The following SPOCK3 variants were observed in gnomAD, a reference collection of about 807,000 sequenced individuals.
SPOCK3 encodes the protein testican-3.
Under a neutral mutation model 56.6 loss-of-function variants are expected in SPOCK3, and 30 were observed. The ratio of observed to expected loss-of-function variants is 0.53; its 90% CI spans 0.40 to 0.72. SPOCK3 has a LOEUF of 0.72. SPOCK3 is among the 30% of genes least tolerant of loss of function. The pLI is 0.00. For missense variants in SPOCK3, 527 were observed against 530.0 expected (o/e 0.99, Z 0.06); for synonymous variants, 196 against 183.3 (o/e 1.07, Z -0.56).
At chr4:166,894,409 G>GA (rs1735133227) in intron 5 of SPOCK3, among the ~76,000 whole-genome samples, 1 of 152,048 alleles carries the variant, frequency 6.6e-6, no homozygotes, top group Non-Finnish European at 1.5e-5. Flanking sequence ...TAGGCAAACT[G>GA]AAAATGAGAA....
At chr4:166,786,458 G>T (rs1290194087) in intron 7 of SPOCK3, among the ~76,000 whole-genome samples, 1 of 151,938 alleles carries the variant, frequency 6.6e-6, no homozygotes, top group Non-Finnish European at 1.5e-5. Context: ...ATGCAGTTAG[G>T]ATATAAATAC....
At chr4:167,048,307 T>C (rs1753900176) in intron 3 of SPOCK3, among the ~76,000 whole-genome samples, 1 of 151,756 alleles carries the variant, frequency 6.6e-6, no homozygotes, top group African/African-American at 2.4e-5. Context: ...ACTAGATTGT[T>C]AGGTAATTTA....
At chr4:166,969,813 CT>C (rs1214464582) in intron 4 of SPOCK3, among the ~76,000 whole-genome samples, 2 of 151,878 alleles carry the variant, frequency 1.3e-5, no homozygotes, top group African/African-American at 2.4e-5. Context: ...TCAAAGCCTC[CT>C]TTTTTTTAGG....
At chr4:166,982,708 C>G (rs1011286703) in intron 4 of SPOCK3, among the ~76,000 whole-genome samples, 4 of 151,894 alleles carry the variant, frequency 2.6e-5, no homozygotes, top group South Asian at 4.2e-4. Context: ...TGTTTCTATA[C>G]ACATTGAAAA....
intron 5 of SPOCK3, among the ~76,000 whole-genome samples, chr4:166,904,445 T>G (rs190024340): frequency 6.6e-6 from 1 of 152,210 alleles, no homozygotes; most frequent in Admixed American, 6.6e-5. Flanking sequence ...ACAAAAAGAT[T>G]ACAGAACTCT....
chr4:167,110,463 T>C (rs953420379), intron 2 of SPOCK3, among the ~76,000 whole-genome samples: 2 of 152,088 alleles, frequency 1.3e-5, no homozygotes, highest in Admixed American at 1.3e-4. Context: ...ACCTCTTATC[T>C]ATATGATTCC....
intron 2 of SPOCK3, among the ~76,000 whole-genome samples, chr4:167,107,236 T>A (rs1760244307): frequency 6.6e-6 from 1 of 151,846 alleles, no homozygotes; most frequent in African/African-American, 2.4e-5. Context: ...TGATGAATAT[T>A]AACACAGAAA....
chr4:166,858,389 C>T (rs1051939960), intron 6 of SPOCK3, among the ~76,000 whole-genome samples: 3 of 152,158 alleles, frequency 2.0e-5, no homozygotes, highest in African/African-American at 7.2e-5. Context: ...TTCTATTAAG[C>T]CCATTCTGAT....
chr4:166,879,496 C>T (rs981104665), intron 6 of SPOCK3, among the ~76,000 whole-genome samples: 5 of 152,092 alleles, frequency 3.3e-5, no homozygotes, highest in Admixed American at 2.6e-4. Context: ...CATAGCAAGA[C>T]TTTGTCTCTA....
At chr4:166,771,737 T>G (rs1579182010) in intron 7 of SPOCK3, among the ~76,000 whole-genome samples, 1 of 151,996 alleles carries the variant, frequency 6.6e-6, no homozygotes, top group South Asian at 2.1e-4. Context: ...TCAAATAGAG[T>G]GAGAAAAATT....
At chr4:166,901,893 A>C (rs60379108) in intron 5 of SPOCK3, among the ~76,000 whole-genome samples, 3,627 of 152,132 alleles carry the variant, frequency 0.024, 163 homozygotes, top group African/African-American at 0.082. Flanking sequence ...AAGCTACATG[A>C]GATAAATTGA....
chr4:167,164,669 C>G (rs1384086864), intron 2 of SPOCK3, among the ~76,000 whole-genome samples: 2 of 151,912 alleles, frequency 1.3e-5, no homozygotes, highest in East Asian at 1.9e-4. Flanking sequence ...TAAACTCCCA[C>G]TTATGAGTGA....
chr4:167,156,416 C>T (rs1458110261), intron 2 of SPOCK3, among the ~76,000 whole-genome samples: 3 of 152,122 alleles, frequency 2.0e-5, no homozygotes, highest in African/African-American at 7.2e-5. Flanking sequence ...TGTCTGCACA[C>T]ATATGTACAC....
chr4:166,795,770 CT>C (rs1279385793), intron 6 of SPOCK3, among the ~76,000 whole-genome samples: 3 of 152,002 alleles, frequency 2.0e-5, no homozygotes, highest in Non-Finnish European at 4.4e-5. Flanking sequence ...AGGTGTCAAA[CT>C]TTTACATAAT....
At chr4:166,802,796 CACACAT>C (rs1742753957) in intron 6 of SPOCK3, among the ~76,000 whole-genome samples, 2 of 152,106 alleles carry the variant, frequency 1.3e-5, no homozygotes, top group Non-Finnish European at 2.9e-5. Context: ...CACATATACA[CACACAT>C]ACATATGTGT....
intron 7 of SPOCK3, among the ~76,000 whole-genome samples, chr4:166,764,878 C>T (rs1326499705): frequency 1.3e-5 from 2 of 151,326 alleles, no homozygotes; most frequent in Non-Finnish European, 2.9e-5. Context: ...TAATGATCAC[C>T]ATTCTAACTG....
At chr4:166,801,324 T>C (rs1040305383) in intron 6 of SPOCK3, among the ~76,000 whole-genome samples, 10 of 152,056 alleles carry the variant, frequency 6.6e-5, no homozygotes, top group African/African-American at 2.4e-4. Context: ...ACAATTTCTA[T>C]TGTTTTAAGT....
Position 166,737,517 on chromosome 4 carries a change from C to A in SPOCK3, c.1082G>T (p.Arg361Ile), listed in dbSNP as rs769186300. Residue 361 changes from arginine to isoleucine, a missense_variant, in exon 10 of 11, where the codon AGA (arginine) becomes ATA (isoleucine). Arg to Ile is a moderately conservative substitution (Grantham distance 97, BLOSUM62 -3). Coordinates refer to ENST00000357545, the MANE Select transcript of SPOCK3 (RefSeq NM_001040159.2). ...GSVGQCWCVDRYGNEVMGSRI... is the reference protein window; with the variant it reads ...GSVGQCWCVDIYGNEVMGSRI... ...GGATCCCATGACTTCATTTCCATAT[C>A]TGTCAACACACCAGCACTGTCCAAC... is the stretch of plus-strand genomic sequence containing the variant. 6.2e-7 allele frequency: 1 copy of A among 1,613,478 alleles called. No homozygotes were observed. The highest frequency in any genetic ancestry group is 8.5e-7 in the Non-Finnish European group (1 of 1,179,620).
chr4:167,038,663 CAAAAAAA>C (rs558863795), intron 3 of SPOCK3, among the ~76,000 whole-genome samples: 3,221 of 108,054 alleles, frequency 0.03, 56 homozygotes, highest in African/African-American at 0.047. Flanking sequence ...TTATTTTTTC[CAAAAAAA>C]AAAAAAAAAA....
Sources: allele counts gnomAD v4.1 joint callset (sites outside exome capture counted in the v4.1 genomes callset), GRCh38; gene constraint gnomAD v4.1.1; transcripts MANE v1.5; gene names NCBI Gene and HGNC (gene_info 2026-07-23, HGNC 2026-07-21).